Variants in MSR1 observed in about 807,000 individuals in gnomAD.
MSR1 encodes macrophage scavenger receptor types I and II.
A neutral mutation model predicts 47.2 loss-of-function variants in MSR1; 53 were observed. The ratio of observed to expected loss-of-function variants is 1.12; its 90% CI spans 0.90 to 1.41. The LOEUF is 1.41. Among genes scored for constraint, MSR1 ranks in the 40% most tolerant of loss-of-function variants. The pLI is 0.00. For synonymous variants in MSR1, 239 were observed against 185.6 expected (o/e 1.29, Z -2.34); for missense variants, 786 against 546.9 (o/e 1.44, Z -4.36).
chr8:16,158,857 T>C (rs11783151), intron 5 of MSR1, among the ~76,000 whole-genome samples: 1 of 151,810 alleles, frequency 6.6e-6, no homozygotes, highest in African/African-American at 2.4e-5. Flanking sequence ...TGTTCTTCCA[T>C]TATTCCTCAG....
chr8:16,179,242 C>A (rs928366092), intron 1 of MSR1, among the ~76,000 whole-genome samples: 1 of 152,108 alleles, frequency 6.6e-6, no homozygotes, highest in Non-Finnish European at 1.5e-5. Context: ...TCTGAATGAT[C>A]TGATTTGACT....
At chr8:16,187,897 G>T (rs1802049167) in intron 1 of MSR1, among the ~76,000 whole-genome samples, 1 of 152,082 alleles carries the variant, frequency 6.6e-6, no homozygotes, top group Admixed American at 6.6e-5. Context: ...GATTATTTCA[G>T]CTGCTTACTC....
chr8:16,186,894 C>G (rs1422320795), intron 1 of MSR1, among the ~76,000 whole-genome samples: 2 of 152,226 alleles, frequency 1.3e-5, no homozygotes, highest in African/African-American at 2.4e-5. Flanking sequence ...GCATTACACA[C>G]ATGAGCTATT....
chr8:16,113,152 G>T (rs1394312576), intron 9 of MSR1, among the ~76,000 whole-genome samples: 1 of 151,746 alleles, frequency 6.6e-6, no homozygotes, highest in African/African-American at 2.4e-5. Flanking sequence ...GTTTCACCAT[G>T]TTGGCCAGAA....
At chr8:16,120,091 T>A (rs2117060471) in intron 9 of MSR1, among the ~76,000 whole-genome samples, 1 of 151,928 alleles carries the variant, frequency 6.6e-6, no homozygotes, top group African/African-American at 2.4e-5. Flanking sequence ...AAAACAAAAT[T>A]TTCTGGCCAA....
intron 8 of MSR1, among the ~76,000 whole-genome samples, chr8:16,129,992 T>C (rs779061988): frequency 4.6e-5 from 7 of 152,130 alleles, no homozygotes; most frequent in Admixed American, 1.3e-4. Flanking sequence ...AAGTGGAGTG[T>C]TGGGCCTCTG....
chr8:16,181,108 C>CA (rs1443813798), intron 1 of MSR1, among the ~76,000 whole-genome samples: 2 of 151,776 alleles, frequency 1.3e-5, no homozygotes, highest in South Asian at 2.1e-4. Context: ...AACAAATGAA[C>CA]AAAAAAACCA....
intron 8 of MSR1, among the ~76,000 whole-genome samples, chr8:16,137,939 C>G (rs535540280): frequency 1.3e-5 from 2 of 150,918 alleles, no homozygotes; most frequent in South Asian, 4.2e-4. Context: ...CTGCAGGGAG[C>G]TATGGTCGTG....
chr8:16,110,142 T>C lies in MSR1; in HGVS notation c.1299A>G (p.Gln433=), dbSNP rs779116275. 7.4e-6 allele frequency: 12 copies of C among 1,613,734 alleles called. No homozygotes were observed. The highest frequency in any genetic ancestry group is 5.3e-5 in the African/African-American group (4 of 75,016). ...AATGTGAACAGGCTCTTGTCCCCCA[T>C]TGCCGAATTTTACATTCTTCAATAG... ...ESSIEECKIR[Q]WGTRACSHSE... is the part of the protein sequence containing the mutation. The change falls in exon 10 of 10, where the codon CAA becomes CAG. Residue 433 remains glutamine, a synonymous_variant. Coordinates refer to ENST00000262101, the MANE Select transcript of MSR1 (RefSeq NM_138715.3).
At chr8:16,187,447 C>A (rs1802037353) in intron 1 of MSR1, among the ~76,000 whole-genome samples, 2 of 149,010 alleles carry the variant, frequency 1.3e-5, no homozygotes, top group Admixed American at 6.8e-5. Context: ...CATCCATTTT[C>A]AACCTACAAC....
At chr8:16,181,738 T>C (rs1025035124) in intron 1 of MSR1, among the ~76,000 whole-genome samples, 4 of 151,848 alleles carry the variant, frequency 2.6e-5, no homozygotes, top group African/African-American at 9.7e-5. Context: ...CCATGGCATG[T>C]GTATACCTAT....
At chr8:16,164,324 C>T in intron 4 of MSR1, 73 bp from the exon 5 acceptor site, 1 of 1,332,450 alleles carries the variant, frequency 7.5e-7, no homozygotes, top group Non-Finnish European at 1.1e-6. Flanking sequence ...TCAAGAAACC[C>T]TCGGAGTTCA....
chr8:16,140,984 C>T (rs758490717), intron 8 of MSR1: 22 of 1,613,786 alleles, frequency 1.4e-5, no homozygotes, highest in Admixed American at 8.3e-5. Context: ...GAGGATGTCC[C>T]GCCCAACCCA....
intron 3 of MSR1, among the ~76,000 whole-genome samples, chr8:16,174,253 T>TTTGTTG (rs35452308): frequency 6.6e-6 from 1 of 151,574 alleles, no homozygotes; most frequent in Non-Finnish European, 1.5e-5. Flanking sequence ...TAGGAACTTT[T>TTTGTTG]TTGTTGTTGT....
rs545666099 is a variant in MSR1, at chr8:16,109,858, T to C, written c.*227A>G. 12 of 569,704 alleles carry C rather than the reference T, an allele frequency of 2.1e-5. No homozygotes were observed. In the Middle Eastern group the frequency reaches 1.5e-3, roughly 71 times the overall value. The allele number at this position is 569,704 out of a possible 1,614,324, so 35.3% of individuals were successfully genotyped here. On this transcript the variant is annotated 3_prime_UTR_variant, in exon 10 of 10. Transcript: ENST00000262101. ...AATGTTCAATTCAGCATATAAGTCATTATATTAGAAAATTCCATTTAAAAA... is the reference window on the plus strand; with the variant it reads ...AATGTTCAATTCAGCATATAAGTCACTATATTAGAAAATTCCATTTAAAAA...
At chr8:16,169,688 T>G (rs1386176067) in intron 3 of MSR1, among the ~76,000 whole-genome samples, 1 of 151,990 alleles carries the variant, frequency 6.6e-6, no homozygotes, top group Non-Finnish European at 1.5e-5. Context: ...GGAAACAACT[T>G]TTTAATGTAA....
At chr8:16,127,015 T>C (rs1468983380) in intron 8 of MSR1, among the ~76,000 whole-genome samples, 1 of 152,176 alleles carries the variant, frequency 6.6e-6, no homozygotes, top group South Asian at 2.1e-4. Flanking sequence ...ATAGGTATTA[T>C]TGATACTATT....
At chr8:16,176,847 A>C (rs1199450883) in intron 2 of MSR1, among the ~76,000 whole-genome samples, 1 of 151,956 alleles carries the variant, frequency 6.6e-6, no homozygotes, top group Non-Finnish European at 1.5e-5. Context: ...TCCATCCTTT[A>C]CACAGAGCAC....
intron 8 of MSR1, among the ~76,000 whole-genome samples, chr8:16,125,900 G>A (rs978402271): frequency 5.3e-5 from 8 of 152,064 alleles, no homozygotes; most frequent in African/African-American, 1.2e-4. Context: ...CCAAGGTGAT[G>A]TGATTACAGG....
Sources: gnomAD v4.1 joint callset for allele counts (sites outside exome capture counted in the v4.1 genomes callset) on GRCh38, gnomAD v4.1.1 for gene constraint, MANE v1.5 for transcripts, NCBI Gene and HGNC (gene_info 2026-07-23, HGNC 2026-07-21) for gene names.